NRXN1: variants seen among roughly 807,000 people sequenced by gnomAD.
The protein encoded by NRXN1 is neurexin-1.
Under a neutral mutation model 150.9 loss-of-function variants are expected in NRXN1, and 39 were observed. That is an observed-to-expected ratio of 0.26 (90% CI 0.20 to 0.34). The LOEUF is 0.34. Ranked by LOEUF, NRXN1 falls within the 10% of genes least tolerant of loss-of-function variation. The pLI is 1.00. For missense variants in NRXN1, 1,815 were observed against 1,949.9 expected, an observed-to-expected ratio of 0.93 and a Z score of 1.30; for synonymous variants, 924 against 757.0, an observed-to-expected ratio of 1.22 and a Z score of -3.62.
intron 5 of NRXN1, among the ~76,000 whole-genome samples, chr2:50,654,346 A>G (rs1162793468): frequency 6.6e-6 from 1 of 151,778 alleles, no homozygotes; most frequent in Non-Finnish European, 1.5e-5. Context: ...ATGTCCCTAC[A>G]AAGGACATGA....
intron 16 of NRXN1, among the ~76,000 whole-genome samples, chr2:50,467,541 A>T (rs1284001769): frequency 6.6e-6 from 1 of 151,476 alleles, no homozygotes; most frequent in Non-Finnish European, 1.5e-5. Context: ...TTACAATCAC[A>T]TTTGTATTAT....
intron 21 of NRXN1, among the ~76,000 whole-genome samples, chr2:50,038,557 C>T (rs1318227936): frequency 6.6e-6 from 1 of 152,140 alleles, no homozygotes; most frequent in East Asian, 1.9e-4. Context: ...TAACTCCAGC[C>T]TCACAAGAGA....
At chr2:50,084,359 G>C (rs1023388540) in intron 19 of NRXN1, among the ~76,000 whole-genome samples, 2 of 152,166 alleles carry the variant, frequency 1.3e-5, no homozygotes, top group Non-Finnish European at 2.9e-5. Context: ...GCCCCGCAGG[G>C]AGGCAGCTAA....
At chr2:50,913,010 C>G (rs1172170666) in intron 5 of NRXN1, 1 of 151,818 alleles carries the variant, frequency 6.6e-6, no homozygotes. Flanking sequence ...AAGAATGCCA[C>G]TGGTCACTGA....
intron 17 of NRXN1, among the ~76,000 whole-genome samples, chr2:50,302,905 C>T (rs1464609303): frequency 1.1e-5 from 1 of 89,704 alleles, no homozygotes; most frequent in Non-Finnish European, 2.2e-5. Context: ...TTGCCATAGT[C>T]TACCAGGCCA....
At chr2:50,748,107 G>A (rs920691809) in intron 5 of NRXN1, among the ~76,000 whole-genome samples, 5 of 152,260 alleles carry the variant, frequency 3.3e-5, no homozygotes, top group Admixed American at 6.5e-5. Flanking sequence ...ACGTATAGAC[G>A]AAGAAACAGA....
intron 17 of NRXN1, among the ~76,000 whole-genome samples, chr2:50,342,105 G>A (rs1352954674): frequency 1.3e-5 from 2 of 151,986 alleles, no homozygotes; most frequent in Non-Finnish European, 2.9e-5. Flanking sequence ...CATGGTACCT[G>A]GTACACAAAT....
intron 17 of NRXN1, among the ~76,000 whole-genome samples, chr2:50,254,568 C>G (rs1021547939): frequency 7.3e-5 from 11 of 150,484 alleles, no homozygotes; most frequent in African/African-American, 2.5e-4. Flanking sequence ...CTAAATTTCC[C>G]TCTTAACAAT....
intron 5 of NRXN1, among the ~76,000 whole-genome samples, chr2:50,655,680 A>G (rs1314826038): frequency 2.7e-5 from 4 of 150,118 alleles, no homozygotes; most frequent in African/African-American, 7.4e-5. Flanking sequence ...GGGGGGAGGG[A>G]AGAAAGAGGA....
chr2:50,421,845 C>A (rs1175877415), intron 17 of NRXN1, among the ~76,000 whole-genome samples: 1 of 151,990 alleles, frequency 6.6e-6, no homozygotes, highest in East Asian at 1.9e-4. Context: ...CTATTTTTTT[C>A]TCCTAAAGAA....
chr2:50,596,218 C>G (rs115844209), intron 8 of NRXN1, among the ~76,000 whole-genome samples: 8 of 152,164 alleles, frequency 5.3e-5, no homozygotes, highest in African/African-American at 1.9e-4. Context: ...CTCTTCATAA[C>G]CTCTTACAAT....
chr2:50,847,522 T>C (rs1462070651), intron 5 of NRXN1, among the ~76,000 whole-genome samples: 1 of 152,170 alleles, frequency 6.6e-6, no homozygotes, highest in East Asian at 1.9e-4. Flanking sequence ...TGGCTAGGGC[T>C]CCACCCCCAC....
At chr2:50,829,129 TGAG>T (rs1423239947) in intron 5 of NRXN1, among the ~76,000 whole-genome samples, 1 of 126,880 alleles carries the variant, frequency 7.9e-6, no homozygotes, top group African/African-American at 2.8e-5. Flanking sequence ...CTCGGCAGGC[TGAG>T]GCAGGAGACT....
chr2:50,828,904 C>T (rs1670952819), intron 5 of NRXN1, among the ~76,000 whole-genome samples: 1 of 152,184 alleles, frequency 6.6e-6, no homozygotes, highest in African/African-American at 2.4e-5. Flanking sequence ...TTGTAGCGAG[C>T]CAAGATCACG....
chr2:50,493,360 G>A (rs2091371286), intron 15 of NRXN1, among the ~76,000 whole-genome samples: 1 of 152,054 alleles, frequency 6.6e-6, no homozygotes, highest in Admixed American at 6.6e-5. Context: ...AAACATTACT[G>A]CTGCAAAAAA....
At chr2:49,999,718 C>T (rs1380612188) in intron 21 of NRXN1, among the ~76,000 whole-genome samples, 2 of 152,152 alleles carry the variant, frequency 1.3e-5, no homozygotes, top group African/African-American at 4.8e-5. Context: ...CCTCCTCCCA[C>T]CACACCTCAT....
intron 5 of NRXN1, among the ~76,000 whole-genome samples, chr2:50,850,244 A>T (rs1404842627): frequency 6.6e-6 from 1 of 151,926 alleles, no homozygotes; most frequent in Non-Finnish European, 1.5e-5. Context: ...AAAAAAAAAA[A>T]AAAAAGGTGT....
chr2:50,310,295 C>T (rs1016467793), intron 17 of NRXN1, among the ~76,000 whole-genome samples: 11 of 152,120 alleles, frequency 7.2e-5, no homozygotes, highest in African/African-American at 2.4e-4. Flanking sequence ...ACAGGAAATC[C>T]TAGGTCCTCT....
intron 5 of NRXN1, among the ~76,000 whole-genome samples, chr2:50,837,265 G>A (rs1045380077): frequency 7.9e-5 from 12 of 152,098 alleles, no homozygotes; most frequent in African/African-American, 2.9e-4. Flanking sequence ...GAAGAATAGC[G>A]CAAAAATTGT....
Sources: gnomAD v4.1 joint callset for allele counts (sites outside exome capture counted in the v4.1 genomes callset) on GRCh38, gnomAD v4.1.1 for gene constraint, MANE v1.5 for transcripts, NCBI Gene and HGNC (gene_info 2026-07-23, HGNC 2026-07-21) for gene names.